Variants in SLC9A7 observed in about 807,000 individuals in gnomAD.
The protein encoded by SLC9A7 is sodium/hydrogen exchanger 7.
In SLC9A7, 19 loss-of-function variants were observed where a neutral mutation model predicts 52.6. The ratio of observed to expected loss-of-function variants is 0.36; its 90% CI spans 0.25 to 0.53. SLC9A7 has a LOEUF of 0.53. SLC9A7 is among the 20% of genes least tolerant of loss of function. The pLI is 0.91. For missense variants in SLC9A7, 455 were observed against 597.9 expected, an observed-to-expected ratio of 0.76 and a Z score of 2.49; for synonymous variants, 226 against 252.1, an observed-to-expected ratio of 0.90 and a Z score of 0.98.
In SLC9A7 at chrX:46,612,373, C is replaced by T. The variant is rs761038583; in HGVS notation, c.1929+916G>A. 4.5e-5 allele frequency among the ~76,000 whole-genome samples: 5 copies of T among 111,686 alleles called. No individual in the cohort carries two copies. The South Asian group carries it at 1.9e-3, about 42-fold the overall frequency. On this transcript the variant is annotated intron_variant, in intron 16 of 16. Coordinates refer to ENST00000616978, the MANE Select transcript of SLC9A7 (RefSeq NM_001257291.2). Reference sequence around the variant, plus strand: ...ACCTTGCTCTCTCTACCTCTCTGCCCTGTACCCTGCAACCCACACCAGGAG... The same window carrying T: ...ACCTTGCTCTCTCTACCTCTCTGCCTTGTACCCTGCAACCCACACCAGGAG...
chrX:46,683,550 T>C (rs1455658154), intron 1 of SLC9A7, among the ~76,000 whole-genome samples: 1 of 111,246 alleles, frequency 9.0e-6, no homozygotes, highest in African/African-American at 3.3e-5. Context: ...GTAAGTCTCA[T>C]ACCCTTCTTA....
At chrX:46,753,847 A>C (rs781879548) in intron 1 of SLC9A7, among the ~76,000 whole-genome samples, 2 of 109,825 alleles carry the variant, frequency 1.8e-5, no homozygotes, top group Non-Finnish European at 3.8e-5. Context: ...TTAGCCGGGC[A>C]TGGTGGCGGG....
intron 11 of SLC9A7, among the ~76,000 whole-genome samples, chrX:46,644,190 T>C (rs748554559): frequency 1.8e-5 from 2 of 112,344 alleles, no homozygotes; most frequent in Non-Finnish European, 3.8e-5. Flanking sequence ...AGACAGGCAG[T>C]GGCCAGATTT....
intron 3 of SLC9A7, among the ~76,000 whole-genome samples, chrX:46,674,755 G>C (rs1006468081): frequency 2.7e-5 from 3 of 111,902 alleles, no homozygotes; most frequent in African/African-American, 9.8e-5. Flanking sequence ...ATACAGCCAT[G>C]ACTAGTTCAG....
chrX:46,744,760 T>C (rs1181804412), intron 1 of SLC9A7, among the ~76,000 whole-genome samples: 1 of 111,924 alleles, frequency 8.9e-6, no homozygotes, highest in East Asian at 2.8e-4. Flanking sequence ...TCTTAATTTT[T>C]TAAAAATACC....
intron 1 of SLC9A7, among the ~76,000 whole-genome samples, chrX:46,745,776 T>C (rs1569526207): frequency 9.2e-6 from 1 of 108,552 alleles, no homozygotes; most frequent in Admixed American, 9.9e-5. Flanking sequence ...GCCCAGGAGT[T>C]CAAGGTTATA....
chrX:46,741,278 C>T (rs73495120), intron 1 of SLC9A7, among the ~76,000 whole-genome samples: 2,247 of 111,338 alleles, frequency 0.02, 53 homozygotes, highest in African/African-American at 0.069. Context: ...GTAGAGACAA[C>T]CTGACTCTAA....
chrX:46,646,507 G>A (rs1244404243), intron 11 of SLC9A7: 2 of 166,365 alleles, frequency 1.2e-5, no homozygotes, highest in Admixed American at 6.9e-5. Flanking sequence ...TACAGATGTG[G>A]TCAGTGTGAC....
At chrX:46,733,152 T>C (rs189882202) in intron 1 of SLC9A7, among the ~76,000 whole-genome samples, 13 of 112,384 alleles carry the variant, frequency 1.2e-4, no homozygotes, top group Non-Finnish European at 1.5e-4. Context: ...CTGTCCCTTT[T>C]AAATTTGCTT....
chrX:46,707,680 A>T (rs772058674), intron 1 of SLC9A7, among the ~76,000 whole-genome samples: 1 of 112,480 alleles, frequency 8.9e-6, no homozygotes, highest in South Asian at 3.7e-4. Context: ...CAAAAGAATC[A>T]AAAGAGATAT....
At chrX:46,714,674 T>C (rs1400692226) in intron 1 of SLC9A7, among the ~76,000 whole-genome samples, 1 of 112,407 alleles carries the variant, frequency 8.9e-6, no homozygotes, top group Admixed American at 9.5e-5. Flanking sequence ...TGGAGATATA[T>C]GTCAGTGAAC....
Position 46,650,759 on chromosome X carries a change from C to CA in SLC9A7, c.1350+350dup, listed in dbSNP as rs773679918. 1.6e-4 allele frequency among the ~76,000 whole-genome samples: 18 copies of CA among 111,737 alleles called. No individual in the cohort carries two copies. In the East Asian group the frequency reaches 3.4e-3, roughly 21 times the overall value. On this transcript the variant is annotated intron_variant, in intron 10 of 16. Transcript: ENST00000616978. ...CATGGTTGCTGACTTTTAGATTCAC[C>CA]AAGAAGAGCACTTTACAAAACAATC...
intron 1 of SLC9A7, among the ~76,000 whole-genome samples, chrX:46,746,925 T>C (rs1244278005): frequency 1.8e-5 from 2 of 112,129 alleles, no homozygotes; most frequent in East Asian, 5.6e-4. Flanking sequence ...ATAAAGAAAA[T>C]GTGGTATATA....
chrX:46,696,231 C>T (rs1243080035), intron 1 of SLC9A7, among the ~76,000 whole-genome samples: 1 of 110,969 alleles, frequency 9.0e-6, no homozygotes, highest in Non-Finnish European at 1.9e-5. Context: ...GGTGATCTGC[C>T]TGCCTCAGCC....
chrX:46,689,171 C>G, intron 1 of SLC9A7, among the ~76,000 whole-genome samples: 1 of 111,901 alleles, frequency 8.9e-6, no homozygotes, highest in South Asian at 3.7e-4. Context: ...CATATTAACC[C>G]CAGCAACCAC....
intron 13 of SLC9A7, among the ~76,000 whole-genome samples, chrX:46,634,455 T>TAAA (rs202178253): frequency 9.5e-6 from 1 of 105,234 alleles, no homozygotes. Flanking sequence ...TAATTTTTTC[T>TAAA]AAAAAAAAAA....
chrX:46,656,124 C>T (rs1463402771), intron 7 of SLC9A7, among the ~76,000 whole-genome samples: 2 of 111,810 alleles, frequency 1.8e-5, no homozygotes, highest in Admixed American at 1.9e-4. Flanking sequence ...TGACACCTCA[C>T]ACGGCCGGTT....
intron 1 of SLC9A7, among the ~76,000 whole-genome samples, chrX:46,717,599 C>T (rs1402636937): frequency 9.0e-6 from 1 of 111,332 alleles, no homozygotes; most frequent in Admixed American, 9.6e-5. Context: ...AGGCTGGTCT[C>T]GAACTCCTAA....
chrX:46,758,664 C>T, intron 1 of SLC9A7, 41 bp downstream of exon 1: 1 of 977,909 alleles, frequency 1.0e-6, no homozygotes. Flanking sequence ...GCGCGGCGGC[C>T]GAGGGGTGTG....
Sources: gnomAD v4.1 joint callset for allele counts (sites outside exome capture counted in the v4.1 genomes callset) on GRCh38, gnomAD v4.1.1 for gene constraint, MANE v1.5 for transcripts, NCBI Gene and HGNC (gene_info 2026-07-23, HGNC 2026-07-21) for gene names.